The following PRMT3 variants were observed in gnomAD, a reference collection of about 807,000 sequenced individuals.
PRMT3 encodes the protein protein arginine N-methyltransferase 3.
A neutral mutation model predicts 71.9 loss-of-function variants in PRMT3; 62 were observed. The ratio of observed to expected loss-of-function variants is 0.86; its 90% CI spans 0.70 to 1.07. The LOEUF is 1.07. Ranked by LOEUF, PRMT3 falls within the 50% of genes least tolerant of loss-of-function variation. PRMT3 has a pLI of 0.00. For synonymous variants in PRMT3, 213 were observed against 220.4 expected, an observed-to-expected ratio of 0.97 and a Z score of 0.30; for missense variants, 663 against 643.0, an observed-to-expected ratio of 1.03 and a Z score of -0.34.
intron 15 of PRMT3, among the ~76,000 whole-genome samples, chr11:20,503,517 C>T (rs900197727): frequency 5.9e-5 from 9 of 152,128 alleles, no homozygotes; most frequent in Non-Finnish European, 8.8e-5. Context: ...AGTCCCCAAC[C>T]GTGATTCCCA....
chr11:20,404,703 A>C (rs902560015), intron 8 of PRMT3, among the ~76,000 whole-genome samples: 2 of 152,206 alleles, frequency 1.3e-5, no homozygotes, highest in African/African-American at 2.4e-5. Context: ...TATGTTATAT[A>C]GAGATGAAAC....
In PRMT3 at chr11:20,395,902, C is replaced by T. The variant is rs1207244119; in HGVS notation, c.500C>T (p.Ala167Val). The T allele has an allele frequency of 1.2e-6, 2 of 1,613,976 alleles. No homozygotes were observed. Among genetic ancestry groups the T allele is most frequent in the Non-Finnish European group, 1.7e-6 (2 of 1,180,016 alleles). ...GTTGAAAAATTGAAACATATGGAAG[C>T]CAGGGCACTGTCTGCTGAAGCCGCA... Reference protein sequence around the residue: ...SVVEKLKHMEARALSAEAALA... With the variant: ...SVVEKLKHMEVRALSAEAALA... Residue 167 changes from alanine (A) to valine (V), a missense_variant, in exon 6 of 16, where the codon GCC (alanine) becomes GTC (valine). Physicochemically the swap from Ala to Val is moderately conservative, Grantham distance 64. Coordinates refer to ENST00000331079, the MANE Select transcript of PRMT3 (RefSeq NM_005788.4).
At chr11:20,448,130 TG>T (rs1323757310) in intron 10 of PRMT3, among the ~76,000 whole-genome samples, 1 of 147,116 alleles carries the variant, frequency 6.8e-6, no homozygotes, top group Non-Finnish European at 1.5e-5. Flanking sequence ...ATTCTCTACT[TG>T]GCAAGTGCTC....
chr11:20,448,308 C>T (rs1850075541), intron 10 of PRMT3, among the ~76,000 whole-genome samples: 1 of 152,014 alleles, frequency 6.6e-6, no homozygotes, highest in Non-Finnish European at 1.5e-5. Context: ...GTCTTGTTTC[C>T]AATTAACAAC....
intron 9 of PRMT3, among the ~76,000 whole-genome samples, chr11:20,408,233 C>A (rs900723176): frequency 6.6e-6 from 1 of 152,024 alleles, no homozygotes; most frequent in African/African-American, 2.4e-5. Flanking sequence ...TTTCACAGTT[C>A]TCATTGATGA....
chr11:20,460,514 C>G (rs1850359660), intron 11 of PRMT3, among the ~76,000 whole-genome samples: 1 of 152,110 alleles, frequency 6.6e-6, no homozygotes, highest in African/African-American at 2.4e-5. Flanking sequence ...GGTCAAGTCC[C>G]TTGAATTCTA....
Position 20,426,743 on chromosome 11 carries a change from A to G in PRMT3, c.894-23A>G, listed in dbSNP as rs1849554721. 2.1e-6 allele frequency: 3 copies of G among 1,442,230 alleles called. No homozygotes were observed. In the South Asian group the frequency reaches 4.7e-5, roughly 22 times the overall value. The allele number at this position is 1,442,230 out of a possible 1,614,324, so 89.3% of individuals were successfully genotyped here. A position where few individuals can be genotyped will look rare whatever the true frequency, so the allele number is the denominator to read the frequency against. On this transcript the variant is annotated intron_variant, in intron 9 of 15. Coordinates refer to ENST00000331079, the MANE Select transcript of PRMT3 (RefSeq NM_005788.4). Reference sequence around the variant, plus strand: ...CTTTCAGAATCTGTTTAACCTACTAATCTAATTCATTATAATTTTCAGACT... The same window carrying G: ...CTTTCAGAATCTGTTTAACCTACTAGTCTAATTCATTATAATTTTCAGACT...
chr11:20,493,884 T>C, intron 13 of PRMT3, 35 bp from the exon 14 acceptor site: 1 of 1,379,896 alleles, frequency 7.2e-7, no homozygotes, highest in Non-Finnish European at 1.0e-6. Flanking sequence ...GTAATTCATT[T>C]AGTAAGCATT....
At chr11:20,448,292 T>A (rs1011207197) in intron 10 of PRMT3, among the ~76,000 whole-genome samples, 1 of 152,148 alleles carries the variant, frequency 6.6e-6, no homozygotes, top group African/African-American at 2.4e-5. Flanking sequence ...TGTTTTTACT[T>A]GAAATGTCTT....
chr11:20,402,403 G>A (rs1190143001), intron 7 of PRMT3, among the ~76,000 whole-genome samples: 1 of 152,116 alleles, frequency 6.6e-6, no homozygotes, highest in Non-Finnish European at 1.5e-5. Context: ...ACAGGTGTGA[G>A]CCACTGAACC....
intron 15 of PRMT3, among the ~76,000 whole-genome samples, chr11:20,498,783 A>G (rs1851392372): frequency 6.6e-6 from 1 of 152,340 alleles, no homozygotes; most frequent in Admixed American, 6.5e-5. Flanking sequence ...TGATTAATTG[A>G]ATGACATTTT....
chr11:20,457,721 T>G (rs925981061), intron 11 of PRMT3, among the ~76,000 whole-genome samples: 2 of 152,190 alleles, frequency 1.3e-5, no homozygotes, highest in Non-Finnish European at 2.9e-5. Flanking sequence ...ACTTCACATT[T>G]TCTACACTTT....
At chr11:20,428,410 A>T (rs1326715878) in intron 10 of PRMT3, among the ~76,000 whole-genome samples, 1 of 152,210 alleles carries the variant, frequency 6.6e-6, no homozygotes, top group African/African-American at 2.4e-5. Context: ...TCAGTTGAAC[A>T]TTATTATATA....
At chr11:20,440,413 A>G (rs1849860917) in intron 10 of PRMT3, among the ~76,000 whole-genome samples, 1 of 148,578 alleles carries the variant, frequency 6.7e-6, no homozygotes. Context: ...TGGGAGGCCA[A>G]GGCGGGCGAA....
At chr11:20,461,813 G>A (rs992055979) in intron 11 of PRMT3, among the ~76,000 whole-genome samples, 167 bp from the exon 12 acceptor site, 1 of 151,994 alleles carries the variant, frequency 6.6e-6, no homozygotes, top group African/African-American at 2.4e-5. Context: ...TTTTAAAAGA[G>A]GCTACAAGAT....
At position 20,488,581 on chromosome 11, in the gene PRMT3, T is replaced by C. The variant is rs569143189; in HGVS notation, c.1348-5338T>C. On this transcript the variant is annotated intron_variant, in intron 13 of 15. Coordinates refer to ENST00000331079, the MANE Select transcript of PRMT3 (RefSeq NM_005788.4). ...TTCTGTGGCCAGCTGCCTAATTGTA[T>C]CTGCTGTAACCACATGCTGTTGGAA... 2.0e-5 allele frequency among the ~76,000 whole-genome samples: 3 copies of C among 152,302 alleles called. No individual in the cohort carries two copies. In the East Asian group the frequency reaches 5.8e-4, roughly 29 times the overall value.
At chr11:20,468,680 T>A (rs1850572175) in intron 13 of PRMT3, among the ~76,000 whole-genome samples, 1 of 152,214 alleles carries the variant, frequency 6.6e-6, no homozygotes, top group South Asian at 2.1e-4. Context: ...CATAACCATT[T>A]ATTTCTTAAT....
At chr11:20,436,418 G>A (rs140223099) in intron 10 of PRMT3, among the ~76,000 whole-genome samples, 1 of 152,282 alleles carries the variant, frequency 6.6e-6, no homozygotes, top group East Asian at 1.9e-4. Flanking sequence ...GTTGTTGGTT[G>A]TGGGTTTGTC....
chr11:20,430,747 T>C (rs541070248), intron 10 of PRMT3, among the ~76,000 whole-genome samples: 12 of 152,284 alleles, frequency 7.9e-5, no homozygotes, highest in African/African-American at 2.9e-4. Flanking sequence ...TCTATTCTCT[T>C]AGGAAATTTT....
Sources: allele counts gnomAD v4.1 joint callset (sites outside exome capture counted in the v4.1 genomes callset), GRCh38; gene constraint gnomAD v4.1.1; transcripts MANE v1.5; gene names NCBI Gene and HGNC (gene_info 2026-07-23, HGNC 2026-07-21).